The following ITGB4 variants were observed in gnomAD, a reference collection of about 807,000 sequenced individuals.
ITGB4 encodes the protein integrin beta-4.
In ITGB4, 159 loss-of-function variants were observed where a neutral mutation model predicts 207.6. The ratio of observed to expected loss-of-function variants is 0.77; its 90% CI spans 0.67 to 0.87. ITGB4 has a LOEUF of 0.87. Among genes scored for constraint, ITGB4 ranks in the 40% least tolerant of loss-of-function variants. ITGB4 has a pLI of 0.00. For synonymous variants in ITGB4, 1,020 were observed against 1,062.7 expected (o/e 0.96, Z 0.78); for missense variants, 2,278 against 2,546.8 (o/e 0.89, Z 2.27).
At chr17:75,743,562 T>A (rs929355395) in intron 25 of ITGB4, 151 bp from the exon 26 acceptor site, 1 of 1,019,820 alleles carries the variant, frequency 9.8e-7, no homozygotes, top group Non-Finnish European at 1.5e-6. Context: ...GATTTTCCGT[T>A]TCGCTCCTGT....
chr17:75,750,146 T>A lies in ITGB4; in HGVS notation c.3352T>A (p.Ser1118Thr). 1 of 1,613,736 alleles carries A rather than the reference T, an allele frequency of 6.2e-7. No individual in the cohort carries two copies. The highest frequency in any genetic ancestry group is 8.5e-7 in the Non-Finnish European group (1 of 1,180,018). Residue 1118 changes from serine to threonine, a missense_variant, in exon 28 of 40, where the codon TCA (serine) becomes ACA (threonine). By Grantham distance (58) the Ser-to-Thr change is moderately conservative. Transcript: ENST00000200181. The surrounding 1 kb of genome is among the most constrained non-coding windows in gnomAD (Gnocchi z 5.5). ...LDRSFTSQML[S>T]SQPPPHGDLG... ...CCGGAGCTTCACGAGTCAGATGTTG[T>A]CATCACAGCCACCCCCTCACGGCGA...
At chr17:75,723,281 G>A (rs1568338098) in intron 1 of ITGB4, among the ~76,000 whole-genome samples, 2 of 152,182 alleles carry the variant, frequency 1.3e-5, no homozygotes, top group African/African-American at 4.8e-5. Context: ...AATCTCCTCC[G>A]TGAAGCCCTG....
chr17:75,722,656 C>T lies in ITGB4; in HGVS notation c.-11+1044C>T, dbSNP rs1032537991. Among the ~76,000 whole-genome samples, 2 of 151,714 alleles carry T rather than the reference C, an allele frequency of 1.3e-5. No homozygotes were observed. The highest frequency in any genetic ancestry group is 2.9e-5 in the Non-Finnish European group (2 of 67,954). ...TCCCTGAGGGGAGGAGATGTGACAG[C>T]GGGAGAGGATAGTGGACAGGAGCAG... is the stretch of plus-strand genomic sequence containing the variant. On this transcript the variant is annotated intron_variant, in intron 1 of 39. Transcript: ENST00000200181. This position sits in a 1 kb window ranked among gnomAD's most constrained non-coding sequence, Gnocchi z 6.2.
chr17:75,736,219 A>T, intron 14 of ITGB4, 65 bp downstream of exon 14: 3 of 1,583,978 alleles, frequency 1.9e-6, no homozygotes, highest in Non-Finnish European at 2.6e-6. Flanking sequence ...AGAGAACCCT[A>T]TGGAGAGAGG....
At chr17:75,744,078 C>T (rs532960617) in intron 26 of ITGB4, among the ~76,000 whole-genome samples, 1 of 151,658 alleles carries the variant, frequency 6.6e-6, no homozygotes, top group East Asian at 1.9e-4. Context: ...GGATGAGGCT[C>T]CATTGCTGCC....
Position 75,728,507 on chromosome 17 carries a change from G to T in ITGB4, c.566+34G>T, listed in dbSNP as rs200461266. 1.3e-4 allele frequency: 193 copies of T among 1,541,756 alleles called. 2 individuals carry two copies. In the African/African-American group the frequency reaches 2.3e-3, roughly 18 times the overall value. ...CTGTGTGGGTCCCGCAGGTGGGCAAGGGTCCAGGCCATGTGACCCCCACTC... is the reference window on the plus strand; with the variant it reads ...CTGTGTGGGTCCCGCAGGTGGGCAATGGTCCAGGCCATGTGACCCCCACTC... On this transcript the variant is annotated intron_variant, in intron 6 of 39. Coordinates refer to ENST00000200181, the MANE Select transcript of ITGB4 (RefSeq NM_000213.5).
In ITGB4 at chr17:75,742,563, C is replaced by A; in HGVS notation, c.2783-19C>A. The A allele has an allele frequency of 3.7e-6, 6 of 1,613,778 alleles. No homozygotes were observed. Among genetic ancestry groups the A allele is most frequent in the Non-Finnish European group, 5.1e-6 (6 of 1,179,972 alleles). On this transcript the variant is annotated intron_variant, in intron 24 of 39. Coordinates refer to ENST00000200181, the MANE Select transcript of ITGB4 (RefSeq NM_000213.5). This position sits in a 1 kb window ranked among gnomAD's most constrained non-coding sequence, Gnocchi z 5.9. ...TGGCCCTGTGACCCACCTCTGACCA[C>A]CTCCGAACCCCCACCCAGACGCCCG...
At chr17:75,737,124 C>T (rs1459253055) in intron 16 of ITGB4, among the ~76,000 whole-genome samples, 198 bp from the exon 17 acceptor site, 1 of 152,174 alleles carries the variant, frequency 6.6e-6, no homozygotes, top group African/African-American at 2.4e-5. Flanking sequence ...GGCTCTGATG[C>T]TCCTGAGCAG....
intron 6 of ITGB4, among the ~76,000 whole-genome samples, chr17:75,728,887 G>A (rs2060786024): frequency 6.6e-6 from 1 of 151,834 alleles, no homozygotes; most frequent in Non-Finnish European, 1.5e-5. Flanking sequence ...GGGAGGCTGA[G>A]GCAGGAGAAT....
Position 75,753,922 on chromosome 17 carries a change from G to A in ITGB4, c.4266G>A (p.Ala1422=). The change falls in exon 33 of 40, where the codon GCG becomes GCA. Residue 1422 remains alanine (A), a synonymous_variant. Coordinates refer to ENST00000200181, the MANE Select transcript of ITGB4 (RefSeq NM_000213.5). ...ACGGGCCCCCGGACGACGGCGGCGC[G>A]GGCGGGAAGGGCGGCAGCCTGCCCC... ...APHGPPDDGG[A]GGKGGSLPRS... is the part of the protein sequence containing the mutation. 7.8e-7 allele frequency: 1 copy of A among 1,284,370 alleles called. No individual in the cohort carries two copies. Among genetic ancestry groups the A allele is most frequent in the South Asian group, 2.7e-5 (1 of 37,328 alleles). The allele number at this position is 1,284,370 out of a possible 1,614,324, so 79.6% of individuals were successfully genotyped here.
At position 75,728,489 on chromosome 17, in the gene ITGB4, G is replaced by C. The variant is rs539825651; in HGVS notation, c.566+16G>C. 6.3e-7 allele frequency: 1 copy of C among 1,597,670 alleles called. No homozygotes were observed. The highest frequency in any genetic ancestry group is 8.6e-7 in the Non-Finnish European group (1 of 1,165,126). ...GGCCTGAGAAGTAAGTGACTGTGTG[G>C]GTCCCGCAGGTGGGCAAGGGTCCAG... is the stretch of plus-strand genomic sequence containing the variant. On this transcript the variant is annotated intron_variant, in intron 6 of 39. Coordinates refer to ENST00000200181, the MANE Select transcript of ITGB4 (RefSeq NM_000213.5).
In ITGB4 at chr17:75,742,380, C is replaced by T; in HGVS notation, c.2673C>T (p.Pro891=). 6.2e-7 allele frequency: 1 copy of T among 1,613,454 alleles called. No homozygotes were observed. The highest frequency in any genetic ancestry group is 2.2e-5 in the East Asian group (1 of 44,888). The change falls in exon 24 of 40, where the codon CCC becomes CCT. Residue 891 remains proline, a synonymous_variant. Transcript: ENST00000200181. The surrounding 1 kb of genome is among the most constrained non-coding windows in gnomAD (Gnocchi z 5.9). ...HTIVDTVLMA[P]RSAKPALLKL... ...TTGTGGACACAGTGCTGATGGCGCC[C>T]CGCTCGGCCAAGCCGGCCCTGCTGA...
intron 30 of ITGB4, 127 bp downstream of exon 30, chr17:75,751,238 G>A: frequency 8.8e-7 from 1 of 1,138,660 alleles, no homozygotes; most frequent in South Asian, 1.3e-5. Context: ...CCTTCATCCT[G>A]GTCAGCGGAT....
At position 75,739,575 on chromosome 17, in the gene ITGB4, C is replaced by T; in HGVS notation, c.2221-97C>T. ...CTGGTGTCTGGGGAGGCACTGTCACCCCTCTTGACCATTGGCATGGGGCGG... is the reference window on the plus strand; with the variant it reads ...CTGGTGTCTGGGGAGGCACTGTCACTCCTCTTGACCATTGGCATGGGGCGG... On this transcript the variant is annotated intron_variant, in intron 18 of 39. Transcript: ENST00000200181. The surrounding 1 kb of genome is among the most constrained non-coding windows in gnomAD (Gnocchi z 5.4). 6 of 1,386,440 alleles carry T rather than the reference C, an allele frequency of 4.3e-6. No individual in the cohort carries two copies. Among genetic ancestry groups the T allele is most frequent in the Non-Finnish European group, 6.1e-6 (6 of 976,116 alleles). The allele number at this position is 1,386,440 out of a possible 1,614,324, so 85.9% of individuals were successfully genotyped here. A position where few individuals can be genotyped will look rare whatever the true frequency, so the allele number is the denominator to read the frequency against.
chr17:75,741,080 C>G, intron 23 of ITGB4, 75 bp downstream of exon 23: 4 of 1,517,780 alleles, frequency 2.6e-6, no homozygotes, highest in Non-Finnish European at 3.6e-6. Flanking sequence ...CTGCCTCGTC[C>G]GTCCCTACTC....
At chr17:75,730,770 G>C in intron 8 of ITGB4, 105 bp from the exon 9 acceptor site, 1 of 1,173,512 alleles carries the variant, frequency 8.5e-7, no homozygotes, top group African/African-American at 1.5e-5. Flanking sequence ...CGACACCACA[G>C]TAGGTTCCAG....
intron 26 of ITGB4, chr17:75,746,280 T>C (rs2061230733): frequency 6.6e-6 from 1 of 152,248 alleles, no homozygotes; most frequent in African/African-American, 2.4e-5. Flanking sequence ...TCTCACTCTG[T>C]TGCCCAGGCT....
intron 34 of ITGB4, among the ~76,000 whole-genome samples, chr17:75,755,407 C>CGGGGCT (rs1216877759): frequency 4.6e-5 from 7 of 152,086 alleles, no homozygotes; most frequent in East Asian, 3.9e-4. Context: ...TCCCAGGGGG[C>CGGGGCT]GGGGCTGGGG....
Position 75,727,104 on chromosome 17 carries a change from A to C in ITGB4, c.80-91A>C, listed in dbSNP as rs1177485431. 1 of 936,456 alleles carries C rather than the reference A, an allele frequency of 1.1e-6. No individual in the cohort carries two copies. Among genetic ancestry groups the C allele is most frequent in the Non-Finnish European group, 1.7e-6 (1 of 580,190 alleles). 58.0% of individuals were successfully genotyped at this position (936,456 alleles called of 1,614,324 possible). On this transcript the variant is annotated intron_variant, in intron 2 of 39. Coordinates refer to ENST00000200181, the MANE Select transcript of ITGB4 (RefSeq NM_000213.5). The surrounding 1 kb of genome is among the most constrained non-coding windows in gnomAD (Gnocchi z 6.0). ...AATAAATAAATAACATAAGGAGGGA[A>C]TCCCCATCTCTCCAGGTGAAGGTGC...
Sources: allele counts gnomAD v4.1 joint callset (sites outside exome capture counted in the v4.1 genomes callset), GRCh38; gene constraint gnomAD v4.1.1; non-coding constraint Gnocchi (gnomAD v3.1); transcripts MANE v1.5; gene names NCBI Gene and HGNC (gene_info 2026-07-23, HGNC 2026-07-21).